The following ANKRD11 variants were observed in gnomAD, a reference collection of about 807,000 sequenced individuals.
The protein encoded by ANKRD11 is ankyrin repeat domain-containing protein 11.
In ANKRD11, 17 loss-of-function variants were observed where a neutral mutation model predicts 195.7. The ratio of observed to expected loss-of-function variants is 0.09; its 90% CI spans 0.06 to 0.13. ANKRD11 has a LOEUF of 0.13. ANKRD11 is among the 10% of genes least tolerant of loss of function. The pLI is 1.00. For missense variants in ANKRD11, 3,735 were observed against 3,566.1 expected, an observed-to-expected ratio of 1.05 and a Z score of -1.21; for synonymous variants, 1,953 against 1,528.1, an observed-to-expected ratio of 1.28 and a Z score of -6.49.
At chr16:89,287,249 C>T in intron 7 of ANKRD11, 1 of 435,328 alleles carries the variant, frequency 2.3e-6, no homozygotes, top group Non-Finnish European at 4.0e-6. Context: ...CTAACCTCTC[C>T]TGCTTCTGGC....
intron 2 of ANKRD11, among the ~76,000 whole-genome samples, chr16:89,346,952 TA>T (rs2038968781): frequency 6.6e-6 from 1 of 152,066 alleles, no homozygotes; most frequent in Non-Finnish European, 1.5e-5. Flanking sequence ...CACGACACAA[TA>T]GGAAAGCAAC....
intron 1 of ANKRD11, among the ~76,000 whole-genome samples, chr16:89,424,894 C>T (rs1458553197): frequency 1.3e-5 from 2 of 152,122 alleles, no homozygotes; most frequent in Non-Finnish European, 2.9e-5. Context: ...CTAACACACA[C>T]GTACAAGTAA....
intron 2 of ANKRD11, among the ~76,000 whole-genome samples, chr16:89,374,678 A>G (rs2040343177): frequency 6.6e-6 from 1 of 152,230 alleles, no homozygotes; most frequent in Non-Finnish European, 1.5e-5. Flanking sequence ...TCCTCCAGAG[A>G]GCATCGGGAA....
In ANKRD11 at chr16:89,282,863, C is replaced by A. The variant is rs768798977; in HGVS notation, c.3679G>T (p.Asp1227Tyr). ...YKDRKDRASV[D>Y]STQDKKNKQK... is the part of the protein sequence containing the mutation. Reference sequence around the variant, plus strand: ...TTATTTTTCTTATCTTGCGTGGAGTCCACTGAGGCTCTGTCCTTCCTGTCC... The same window carrying A: ...TTATTTTTCTTATCTTGCGTGGAGTACACTGAGGCTCTGTCCTTCCTGTCC... The change falls in exon 9 of 13, where the codon GAC becomes TAC. Residue 1227 changes from aspartate (D) to tyrosine (Y), a missense_variant. Asp to Tyr is a radical substitution (Grantham distance 160). Transcript: ENST00000301030. 1 of 1,612,546 alleles carries A rather than the reference C, an allele frequency of 6.2e-7. No homozygotes were observed. Among genetic ancestry groups the A allele is most frequent in the Non-Finnish European group, 8.5e-7 (1 of 1,180,032 alleles).
chr16:89,387,796 G>A (rs1012779817), intron 2 of ANKRD11, among the ~76,000 whole-genome samples: 2 of 150,372 alleles, frequency 1.3e-5, no homozygotes, highest in African/African-American at 4.9e-5. Flanking sequence ...TGAGGTCAGG[G>A]GTTCAAGACC....
rs371119186 is a variant in ANKRD11 at position 89,284,740 on chromosome 16, C to T, written c.1802G>A (p.Arg601Gln). 2.7e-5 allele frequency: 43 copies of T among 1,613,498 alleles called. No individual in the cohort carries two copies. The highest frequency in any genetic ancestry group is 1.7e-4 in the Middle Eastern group (1 of 5,960). The part of the protein sequence containing the change: ...PVRKRQEHRK[R>Q]ASLSEKKSPF... ...GCTCTTCTTCTCCGACAGGGAGGCT[C>T]GCTTCCTGTGCTCCTGCCTCTTCCT... Residue 601 changes from arginine to glutamine, a missense_variant, in exon 9 of 13, where the codon CGA becomes CAA. Transcript: ENST00000301030.
intron 2 of ANKRD11, among the ~76,000 whole-genome samples, chr16:89,319,415 C>T (rs754637104): frequency 7.9e-5 from 12 of 152,236 alleles, no homozygotes; most frequent in Admixed American, 1.3e-4. Flanking sequence ...CTTTTCACGG[C>T]CTGCATCACA....
rs2057786664 is a variant in ANKRD11, at chr16:89,490,286, GGGGCGC to G, written c.-192_-187del. 6.6e-6 allele frequency: 1 copy of G among 150,748 alleles called. No individual in the cohort carries two copies. Among genetic ancestry groups the G allele is most frequent in the African/African-American group, 2.4e-5 (1 of 40,916 alleles). 9.3% of individuals were successfully genotyped at this position (150,748 alleles called of 1,614,324 possible). ...CGCGGCTCCGCGACGGCTCAGCGGCGGGGCGCGGGCGCTGCCCATGCAGCCCGCGGC... is the reference window on the plus strand; with the variant it reads ...CGCGGCTCCGCGACGGCTCAGCGGCGGGGCGCTGCCCATGCAGCCCGCGGC... On this transcript the variant is annotated 5_prime_UTR_variant, in exon 1 of 13. Transcript: ENST00000301030.
chr16:89,405,396 T>C (rs932110660), intron 2 of ANKRD11, among the ~76,000 whole-genome samples: 6 of 151,582 alleles, frequency 4.0e-5, no homozygotes, highest in Non-Finnish European at 5.9e-5. Flanking sequence ...TGATATGAGC[T>C]CACCGTAGCC....
intron 2 of ANKRD11, among the ~76,000 whole-genome samples, chr16:89,362,555 T>G (rs532263219): frequency 6.6e-6 from 1 of 152,362 alleles, no homozygotes; most frequent in South Asian, 2.1e-4. Context: ...GTGTAAAAAG[T>G]AGAAGTTCCT....
At position 89,316,857 on chromosome 16, in the gene ANKRD11, G is replaced by A. The variant is rs928873049; in HGVS notation, c.87+76C>T. 7.3e-5 allele frequency: 112 copies of A among 1,537,786 alleles called. 1 individual carries two copies. In the South Asian group the frequency reaches 9.0e-4, roughly 12 times the overall value. ...CCGGAGGGCGGAGAACAGGCCACAG[G>A]CGGGCAGCACCCCATTCCCACCTCA... On this transcript the variant is annotated intron_variant, in intron 3 of 12. Transcript: ENST00000301030.
chr16:89,284,280 T>C lies in ANKRD11; in HGVS notation c.2262A>G (p.Lys754=). The C allele has an allele frequency of 6.2e-7, 1 of 1,613,992 alleles. No individual in the cohort carries two copies. The highest frequency in any genetic ancestry group is 8.5e-7 in the Non-Finnish European group (1 of 1,180,030). ...CTTTGTACAGTCTCAGTTTTTCTTC[T>C]TTCGGAGACTTTTCCTTCAGCGATC... ...KERSLKEKSP[K]EEKLRLYKEE... Residue 754 remains lysine, a synonymous_variant, in exon 9 of 13, where the codon AAA becomes AAG. Transcript: ENST00000301030.
At chr16:89,473,248 G>A (rs998037736) in intron 1 of ANKRD11, among the ~76,000 whole-genome samples, 6 of 151,844 alleles carry the variant, frequency 4.0e-5, no homozygotes, top group African/African-American at 1.5e-4. Flanking sequence ...AGGGAAAGGA[G>A]AGAAGGGAAT....
intron 1 of ANKRD11, among the ~76,000 whole-genome samples, chr16:89,422,957 T>C (rs963805462): frequency 2.6e-5 from 4 of 152,208 alleles, no homozygotes; most frequent in Non-Finnish European, 2.9e-5. Context: ...TTGCTAACCA[T>C]AGTCTTCAAT....
intron 2 of ANKRD11, among the ~76,000 whole-genome samples, chr16:89,386,740 T>A (rs561932112): frequency 6.6e-6 from 1 of 152,090 alleles, no homozygotes; most frequent in Non-Finnish European, 1.5e-5. Flanking sequence ...CCATTGACTG[T>A]TGGATTTCAT....
chr16:89,367,106 C>T (rs533102340), intron 2 of ANKRD11, among the ~76,000 whole-genome samples: 1 of 152,206 alleles, frequency 6.6e-6, no homozygotes, highest in Admixed American at 6.5e-5. Context: ...CCGAGACTCA[C>T]CGGATACTCA....
intron 1 of ANKRD11, among the ~76,000 whole-genome samples, chr16:89,425,984 G>A (rs2042700891): frequency 6.6e-6 from 1 of 152,110 alleles, no homozygotes; most frequent in Non-Finnish European, 1.5e-5. Flanking sequence ...GAGAACAAGG[G>A]GGAACGATTT....
intron 3 of ANKRD11, among the ~76,000 whole-genome samples, chr16:89,310,603 A>T (rs1016132350): frequency 6.6e-6 from 1 of 152,084 alleles, no homozygotes; most frequent in African/African-American, 2.4e-5. Context: ...GGTGTTTCTG[A>T]ATTTCTCTCA....
intron 1 of ANKRD11, among the ~76,000 whole-genome samples, chr16:89,485,477 G>C (rs1421214850): frequency 1.3e-5 from 2 of 152,062 alleles, no homozygotes; most frequent in African/African-American, 2.4e-5. Context: ...CTAGGTGACA[G>C]AGACTCTGTC....
Sources: allele counts gnomAD v4.1 joint callset (sites outside exome capture counted in the v4.1 genomes callset), GRCh38; gene constraint gnomAD v4.1.1; transcripts MANE v1.5; gene names NCBI Gene and HGNC (gene_info 2026-07-23, HGNC 2026-07-21).